DEPTOR: variants seen among roughly 807,000 people sequenced by gnomAD.
The protein encoded by DEPTOR is DEP domain containing MTOR interacting protein, also known as DEP domain-containing mTOR-interacting protein.
In DEPTOR, 41 loss-of-function variants were observed where a neutral mutation model predicts 41.6. The ratio of observed to expected loss-of-function variants is 0.98; its 90% CI spans 0.77 to 1.28. DEPTOR has a LOEUF of 1.28. DEPTOR is among the 50% of genes most tolerant of loss of function. The pLI, the probability that DEPTOR is intolerant of heterozygous loss-of-function variation, is 0.00. For missense variants in DEPTOR, 514 were observed against 527.9 expected (o/e 0.97, Z 0.26); for synonymous variants, 195 against 192.3 (o/e 1.01, Z -0.12).
chr8:120,008,606 G>A (rs535776895), intron 7 of DEPTOR, among the ~76,000 whole-genome samples: 18 of 151,024 alleles, frequency 1.2e-4, no homozygotes, highest in East Asian at 3.9e-4. Flanking sequence ...CTTCAATGAC[G>A]TTGCAGGATC....
At chr8:120,036,479 C>T (rs1812981196) in intron 8 of DEPTOR, among the ~76,000 whole-genome samples, 1 of 152,166 alleles carries the variant, frequency 6.6e-6, no homozygotes, top group African/African-American at 2.4e-5. Flanking sequence ...CACAGTCACT[C>T]CACAGCCAGT....
chr8:120,043,246 T>TGA (rs752173371), intron 8 of DEPTOR, among the ~76,000 whole-genome samples: 1 of 152,202 alleles, frequency 6.6e-6, no homozygotes, highest in Non-Finnish European at 1.5e-5. Flanking sequence ...TTCAAAGTGC[T>TGA]GGGTTTACAG....
At chr8:119,980,679 T>G (rs557799499) in intron 4 of DEPTOR, among the ~76,000 whole-genome samples, 5 of 151,822 alleles carry the variant, frequency 3.3e-5, no homozygotes, top group East Asian at 1.9e-4. Context: ...CACCACAGCC[T>G]GCTAATTTTT....
rs987720059 is a variant in DEPTOR, at chr8:119,969,360, GT to G, written c.604+3961del. 3.3e-4 allele frequency among the ~76,000 whole-genome samples: 46 copies of G among 141,428 alleles called. 3 individuals are homozygous for G. The highest frequency in any genetic ancestry group is 2.7e-3 in the East Asian group (13 of 4,846). The allele number at this position is 141,428 out of a possible 152,430, so 92.8% of individuals were successfully genotyped here. On this transcript the variant is annotated intron_variant, in intron 4 of 8. Transcript: ENST00000286234. ...TAATAAATCTGTTTTGTTTTTTTTT[GT>G]TTTTTTTTTTGAGATGGAGTTTTGC...
chr8:120,039,302 G>A (rs1245756020), intron 8 of DEPTOR, among the ~76,000 whole-genome samples: 2 of 152,198 alleles, frequency 1.3e-5, no homozygotes, highest in Non-Finnish European at 2.9e-5. Context: ...AATGGGAGAA[G>A]TAACTATTTA....
At position 120,003,245 on chromosome 8, in the gene DEPTOR, G is replaced by A. The variant is rs183453463; in HGVS notation, c.925+134G>A. Reference sequence around the variant, plus strand: ...TAGAGCATGCTCTTGGGGTCCACACGTGTTGAATGGAAGGGAAGGAAGAAT... The same window carrying A: ...TAGAGCATGCTCTTGGGGTCCACACATGTTGAATGGAAGGGAAGGAAGAAT... On this transcript the variant is annotated intron_variant, in intron 6 of 8. Coordinates refer to ENST00000286234, the MANE Select transcript of DEPTOR (RefSeq NM_022783.4). The A allele has an allele frequency of 6.6e-4, 938 of 1,421,890 alleles. 6 individuals carry two copies. In the African/African-American group the frequency reaches 9.7e-3, roughly 15 times the overall value. 88.1% of individuals were successfully genotyped at this position (1,421,890 alleles called of 1,614,324 possible).
At chr8:120,029,778 T>G (rs1812857903) in intron 8 of DEPTOR, among the ~76,000 whole-genome samples, 1 of 152,092 alleles carries the variant, frequency 6.6e-6, no homozygotes, top group African/African-American at 2.4e-5. Context: ...TAGACCCATA[T>G]CCAGTCCGTT....
intron 3 of DEPTOR, among the ~76,000 whole-genome samples, chr8:119,960,228 AAAAAAAC>A (rs557948568): frequency 0.035 from 5,395 of 152,058 alleles, 100 homozygotes; most frequent in African/African-American, 0.051. Flanking sequence ...CCTCTCAAAA[AAAAAAAC>A]AAAAAACAAA....
chr8:119,931,178 T>G (rs1828038830), intron 3 of DEPTOR, among the ~76,000 whole-genome samples: 1 of 151,912 alleles, frequency 6.6e-6, no homozygotes, highest in South Asian at 2.1e-4. Flanking sequence ...GTTACTGCAC[T>G]CCAACCTGGG....
intron 1 of DEPTOR, among the ~76,000 whole-genome samples, chr8:119,882,137 C>T (rs1250404179): frequency 1.3e-5 from 2 of 152,108 alleles, no homozygotes; most frequent in African/African-American, 2.4e-5. Context: ...GTTTTCTACC[C>T]GCCTTGGCCT....
At chr8:119,993,748 CT>C (rs199788166) in intron 4 of DEPTOR, among the ~76,000 whole-genome samples, 2,337 of 151,504 alleles carry the variant, frequency 0.015, 30 homozygotes, top group African/African-American at 0.03. Flanking sequence ...CTTCTCTTTA[CT>C]TTTTTTTCCA....
intron 8 of DEPTOR, among the ~76,000 whole-genome samples, chr8:120,040,347 C>T (rs935084644): frequency 6.6e-6 from 1 of 151,892 alleles, no homozygotes; most frequent in East Asian, 2.0e-4. Context: ...GAGGCCGAGG[C>T]GGGCAGATCT....
At chr8:119,921,616 A>G (rs930118428) in intron 1 of DEPTOR, among the ~76,000 whole-genome samples, 2 of 152,158 alleles carry the variant, frequency 1.3e-5, no homozygotes, top group African/African-American at 4.8e-5. Flanking sequence ...ACCCAGTGGG[A>G]CAGTAGGAAT....
At chr8:119,963,592 C>T (rs1422110959) in intron 3 of DEPTOR, among the ~76,000 whole-genome samples, 1 of 152,148 alleles carries the variant, frequency 6.6e-6, no homozygotes, top group Non-Finnish European at 1.5e-5. Flanking sequence ...CTCAAGTGAT[C>T]CACCAGCCTC....
At chr8:119,902,531 G>A (rs550782606) in intron 1 of DEPTOR, among the ~76,000 whole-genome samples, 15 of 152,228 alleles carry the variant, frequency 9.9e-5, no homozygotes, top group South Asian at 6.2e-4. Context: ...TAGAGATGGC[G>A]TTTTACTATG....
chr8:120,019,151 A>G (rs1812657971), intron 8 of DEPTOR, among the ~76,000 whole-genome samples: 1 of 152,084 alleles, frequency 6.6e-6, no homozygotes, highest in Admixed American at 6.5e-5. Context: ...CTGAGAATAC[A>G]AAAATTAGCC....
intron 1 of DEPTOR, among the ~76,000 whole-genome samples, chr8:119,909,994 C>A (rs1563963115): frequency 6.6e-6 from 1 of 152,232 alleles, no homozygotes; most frequent in Non-Finnish European, 1.5e-5. Context: ...TAAATTTCCA[C>A]TTGGCTGTTG....
chr8:119,980,554 G>C (rs977337633), intron 4 of DEPTOR, among the ~76,000 whole-genome samples: 1 of 117,570 alleles, frequency 8.5e-6, no homozygotes, highest in African/African-American at 3.4e-5. Flanking sequence ...TTTTGTTCTT[G>C]TTGCCCAGGC....
intron 3 of DEPTOR, among the ~76,000 whole-genome samples, chr8:119,953,921 C>T (rs1420739233): frequency 1.3e-5 from 2 of 150,778 alleles, no homozygotes; most frequent in Non-Finnish European, 2.9e-5. Flanking sequence ...TCTCCTGCCT[C>T]AACCTCCCGA....
Sources: gnomAD v4.1 joint callset for allele counts (sites outside exome capture counted in the v4.1 genomes callset) on GRCh38, gnomAD v4.1.1 for gene constraint, MANE v1.5 for transcripts, NCBI Gene and HGNC (gene_info 2026-07-23, HGNC 2026-07-21) for gene names.